The following ZNF468 variants were observed in gnomAD, a reference collection of about 807,000 sequenced individuals.
ZNF468 encodes zinc finger protein 468.
A neutral mutation model predicts 7.2 loss-of-function variants in ZNF468; 8 were observed. That is an observed-to-expected ratio of 1.11 (90% CI 0.65 to 2.01). The LOEUF (loss-of-function observed/expected upper bound fraction) is 2.01. Ranked by LOEUF, ZNF468 falls within the 30% of genes most tolerant of loss-of-function variation. The pLI, the probability that ZNF468 is intolerant of heterozygous loss-of-function variation, is 0.00. For synonymous variants in ZNF468, 218 were observed against 214.4 expected (o/e 1.02, Z -0.15); for missense variants, 608 against 626.5 (o/e 0.97, Z 0.31).
chr19:52,844,109 G>T (rs1351311785), intron 3 of ZNF468, among the ~76,000 whole-genome samples: 2 of 152,176 alleles, frequency 1.3e-5, no homozygotes, highest in Non-Finnish European at 2.9e-5. Context: ...GACAGGATGA[G>T]ACTTTGTCTC....
chr19:52,852,581 G>A (rs2147743075), intron 2 of ZNF468, among the ~76,000 whole-genome samples: 1 of 151,726 alleles, frequency 6.6e-6, no homozygotes, highest in East Asian at 2.0e-4. Flanking sequence ...GGAGGCTGAG[G>A]CAGAGAAATG....
At chr19:52,856,854 T>C (rs2063444543) in intron 1 of ZNF468, among the ~76,000 whole-genome samples, 1 of 152,118 alleles carries the variant, frequency 6.6e-6, no homozygotes, top group Non-Finnish European at 1.5e-5. Flanking sequence ...TCATTCTTCT[T>C]TTCTCTGTCT....
At chr19:52,855,898 C>T (rs1351187051) in intron 1 of ZNF468, among the ~76,000 whole-genome samples, 1 of 152,256 alleles carries the variant, frequency 6.6e-6, no homozygotes, top group Admixed American at 6.5e-5. Context: ...GAGCTGGAAA[C>T]ATTTTCACGA....
chr19:52,840,645 A>G lies in ZNF468; in HGVS notation c.*80T>C. The G allele has an allele frequency of 6.2e-7, 1 of 1,602,798 alleles. No individual in the cohort carries two copies. Among genetic ancestry groups the G allele is most frequent in the Non-Finnish European group, 8.5e-7 (1 of 1,170,230 alleles). On this transcript the variant is annotated 3_prime_UTR_variant, in exon 4 of 4. Coordinates refer to ENST00000595646, the MANE Select transcript of ZNF468 (RefSeq NM_001008801.2). ...CCTTGCCACATTCATTATGCTTGTA[A>G]GGTTTCTCTCCAGTATGAATTGCCT...
intron 1 of ZNF468, among the ~76,000 whole-genome samples, chr19:52,854,706 T>C (rs1234187250): frequency 6.6e-6 from 1 of 152,102 alleles, no homozygotes; most frequent in African/African-American, 2.4e-5. Flanking sequence ...CTGGCCAACA[T>C]GGTGAAAGCC....
At chr19:52,855,490 C>G (rs1186817393) in intron 1 of ZNF468, among the ~76,000 whole-genome samples, 1 of 152,222 alleles carries the variant, frequency 6.6e-6, no homozygotes, top group African/African-American at 2.4e-5. Context: ...CTGGCAGGGA[C>G]CCTGAACACA....
In ZNF468 at chr19:52,839,753, T is replaced by C. The variant is rs1672520827; in HGVS notation, c.*972A>G. On this transcript the variant is annotated 3_prime_UTR_variant, in exon 4 of 4. Coordinates refer to ENST00000595646, the MANE Select transcript of ZNF468 (RefSeq NM_001008801.2). ...TCCTATGTTTTGCATAGGATGAAGC[T>C]TGACTGAAGACCTTGCCTCAATCAT... 1 of 502,656 alleles carries C rather than the reference T, an allele frequency of 2.0e-6. No homozygotes were observed. Among genetic ancestry groups the C allele is most frequent in the East Asian group, 5.6e-5 (1 of 17,938 alleles). The allele number at this position is 502,656 out of a possible 1,614,324, so 31.1% of individuals were successfully genotyped here. A position where few individuals can be genotyped will look rare whatever the true frequency, so the allele number is the denominator to read the frequency against.
chr19:52,845,803 G>A (rs1185740745), intron 3 of ZNF468, among the ~76,000 whole-genome samples: 5 of 152,206 alleles, frequency 3.3e-5, no homozygotes, highest in African/African-American at 4.8e-5. Context: ...TTGGGAGTTC[G>A]AGATCAGCCT....
chr19:52,841,707 G>A lies in ZNF468; in HGVS notation c.587C>T (p.Ser196Phe). 1.2e-6 allele frequency: 2 copies of A among 1,614,002 alleles called. No homozygotes were observed. The highest frequency in any genetic ancestry group is 1.1e-5 in the South Asian group (1 of 91,062). ...TTGTGTGAGTAATGAAGAATGGAGG[G>A]AATTATTTCCATACTTATTAGAAAT... ...THISNKYGNN[S>F]LHSSLLTQKW... The change falls in exon 4 of 4, where the codon TCC (serine) becomes TTC (phenylalanine). Residue 196 changes from serine to phenylalanine, a missense_variant. By Grantham distance (155) the Ser-to-Phe change is radical. Transcript: ENST00000595646.
rs1346206344 is a variant in ZNF468, at chr19:52,840,956, C to T, written c.1338G>A (p.Lys446=). 3 of 1,613,758 alleles carry T rather than the reference C, an allele frequency of 1.9e-6. No homozygotes were observed. The African/African-American group carries it at 4.0e-5, about 22-fold the overall frequency. The part of the protein sequence containing the change: ...EKPYKCKVCD[K]AFQRDSHLAQ... The stretch of plus-strand genomic sequence containing the variant: ...CCAGGTGTGAATCCCTCTGGAAAGC[C>T]TTGTCACAAACCTTACATTTGTATG... The change falls in exon 4 of 4, where the codon AAG becomes AAA. Residue 446 remains lysine, a synonymous_variant. Coordinates refer to ENST00000595646, the MANE Select transcript of ZNF468 (RefSeq NM_001008801.2).
At chr19:52,853,735 C>T (rs978838522) in intron 2 of ZNF468, 1 of 361,094 alleles carries the variant, frequency 2.8e-6, no homozygotes, top group African/African-American at 2.2e-5. Context: ...TTATTCATGT[C>T]TATGTATGAA....
At chr19:52,849,029 A>G (rs1179991750) in intron 3 of ZNF468, 58 bp downstream of exon 3, 83 of 1,600,242 alleles carry the variant, frequency 5.2e-5, no homozygotes, top group Non-Finnish European at 6.9e-5. Flanking sequence ...CTAAGAGACA[A>G]TAAGAGAAAA....
At chr19:52,851,512 G>A (rs1218277440) in intron 2 of ZNF468, among the ~76,000 whole-genome samples, 1 of 152,108 alleles carries the variant, frequency 6.6e-6, no homozygotes, top group Admixed American at 6.6e-5. Flanking sequence ...GGAAGGCAGA[G>A]GTTGCAGTGA....
chr19:52,854,382 C>T, intron 1 of ZNF468, 37 bp from the exon 2 acceptor site: 3 of 1,563,024 alleles, frequency 1.9e-6, no homozygotes, highest in Non-Finnish European at 2.6e-6. Flanking sequence ...CACTCAGAAT[C>T]AACACACCCC....
At chr19:52,853,282 G>T (rs2063405947) in intron 2 of ZNF468, among the ~76,000 whole-genome samples, 1 of 152,128 alleles carries the variant, frequency 6.6e-6, no homozygotes, top group South Asian at 2.1e-4. Flanking sequence ...GGATGTGACA[G>T]GGAAAGGAGA....
chr19:52,853,874 C>T (rs886152246), intron 2 of ZNF468: 43 of 1,251,636 alleles, frequency 3.4e-5, no homozygotes, highest in Middle Eastern at 3.1e-4. Context: ...GAACTTACCA[C>T]GTACTTCGTG....
At chr19:52,848,805 C>T (rs1262780115) in intron 3 of ZNF468, among the ~76,000 whole-genome samples, 2 of 152,134 alleles carry the variant, frequency 1.3e-5, no homozygotes, top group Non-Finnish European at 2.9e-5. Context: ...CATGCCTTGG[C>T]CTCCCAAGGT....
In ZNF468 at chr19:52,839,926, A is replaced by C; in HGVS notation, c.*799T>G. On this transcript the variant is annotated 3_prime_UTR_variant, in exon 4 of 4. Coordinates refer to ENST00000595646, the MANE Select transcript of ZNF468 (RefSeq NM_001008801.2). The stretch of plus-strand genomic sequence containing the variant: ...ATGTGCAATGGTTGTAGCATTACTG[A>C]AAACTTTGTGACAATCATTACATTA... 3.0e-6 allele frequency: 3 copies of C among 999,658 alleles called. No individual in the cohort carries two copies. The South Asian group carries it at 4.0e-5, about 13-fold the overall frequency. 61.9% of individuals were successfully genotyped at this position (999,658 alleles called of 1,614,324 possible).
At chr19:52,854,031 G>A in intron 2 of ZNF468, 2 of 1,496,364 alleles carry the variant, frequency 1.3e-6, no homozygotes, top group African/African-American at 2.8e-5. Flanking sequence ...ATCCATGTCG[G>A]GGTGTGAGCC....
Sources: gnomAD v4.1 joint callset for allele counts (sites outside exome capture counted in the v4.1 genomes callset) on GRCh38, gnomAD v4.1.1 for gene constraint, MANE v1.5 for transcripts, NCBI Gene and HGNC (gene_info 2026-07-23, HGNC 2026-07-21) for gene names.